Variants in SLC14A2 observed in about 807,000 individuals in gnomAD.
SLC14A2 encodes the protein solute carrier family 14 member 2.
Under a neutral mutation model 104.6 loss-of-function variants are expected in SLC14A2, and 91 were observed. The ratio of observed to expected loss-of-function variants is 0.87; its 90% CI spans 0.73 to 1.04. The LOEUF (loss-of-function observed/expected upper bound fraction) is 1.04. Ranked by LOEUF, SLC14A2 falls within the 50% of genes least tolerant of loss-of-function variation. The pLI is 0.00. For missense variants in SLC14A2, 1,189 were observed against 1,156.0 expected, an observed-to-expected ratio of 1.03 and a Z score of -0.41; for synonymous variants, 476 against 466.4, an observed-to-expected ratio of 1.02 and a Z score of -0.27.
chr18:45,677,376 G>C (rs193247363), intron 18 of SLC14A2, among the ~76,000 whole-genome samples: 54 of 152,214 alleles, frequency 3.5e-4, no homozygotes, highest in African/African-American at 1.2e-3. Context: ...CCCTCTATTC[G>C]GGGGCCTTGG....
rs1011839626 is a variant in SLC14A2 at position 45,498,600 on chromosome 18, T to A, written c.-35+15278T>A. ...TCCCTCCCATCTCCACTCCTGTTCC[T>A]GGAGACTGTCAGATCTGCTCTGAAG... On this transcript the variant is annotated intron_variant, in intron 2 of 20. Coordinates refer to the SLC14A2 transcript ENST00000586448. Among the ~76,000 whole-genome samples, 5 of 152,350 alleles carry A rather than the reference T, an allele frequency of 3.3e-5. No homozygotes were observed. The East Asian group carries it at 7.7e-4, about 24-fold the overall frequency.
At chr18:45,337,821 G>A (rs1599552) in intron 1 of SLC14A2, among the ~76,000 whole-genome samples, 10,918 of 152,202 alleles carry the variant, frequency 0.072, 788 homozygotes, top group African/African-American at 0.18. Flanking sequence ...TTTCTTTGGT[G>A]TATTTTGAAA....
chr18:45,457,166 T>A (rs1251219440), intron 1 of SLC14A2, among the ~76,000 whole-genome samples: 2 of 152,192 alleles, frequency 1.3e-5, no homozygotes, highest in African/African-American at 4.8e-5. Context: ...GAAGGTTTTT[T>A]TAATATTTAA....
At chr18:45,375,344 T>A (rs2144363974) in intron 1 of SLC14A2, among the ~76,000 whole-genome samples, 1 of 152,294 alleles carries the variant, frequency 6.6e-6, no homozygotes, top group African/African-American at 2.4e-5. Flanking sequence ...TTGAGATACT[T>A]TGCAGACCCT....
intron 18 of SLC14A2, 21 bp from the exon 19 acceptor site, chr18:45,678,952 TTC>T: frequency 1.3e-6 from 2 of 1,545,064 alleles, no homozygotes; most frequent in Non-Finnish European, 1.7e-6. Flanking sequence ...GTCTATTTCT[TTC>T]TTTTTTTTTT....
At chr18:45,236,363 GTA>G (rs372488022) in intron 1 of SLC14A2, among the ~76,000 whole-genome samples, 5 of 20,174 alleles carry the variant, frequency 2.5e-4, no homozygotes, top group South Asian at 1.8e-3. Context: ...ATGTATGTGT[GTA>G]TATATGTGTA....
intron 1 of SLC14A2, among the ~76,000 whole-genome samples, chr18:45,341,593 T>TA (rs2085395709): frequency 1.3e-5 from 2 of 148,204 alleles, no homozygotes; most frequent in South Asian, 2.1e-4. Context: ...TGTCTAGTAT[T>TA]ACTTTTTTTT....
At chr18:45,645,360 A>G (rs2045601548) in intron 10 of SLC14A2, among the ~76,000 whole-genome samples, 1 of 152,032 alleles carries the variant, frequency 6.6e-6, no homozygotes, top group Non-Finnish European at 1.5e-5. Context: ...ATACCTAGTA[A>G]TGGGATTGCT....
chr18:45,675,766 C>T (rs1291717538), intron 18 of SLC14A2, among the ~76,000 whole-genome samples: 2 of 131,144 alleles, frequency 1.5e-5, no homozygotes, highest in African/African-American at 6.1e-5. Flanking sequence ...CCAGGCTGGT[C>T]GTGGGCTCAA....
intron 1 of SLC14A2, among the ~76,000 whole-genome samples, chr18:45,400,156 C>G (rs901347505): frequency 6.6e-6 from 1 of 152,212 alleles, no homozygotes; most frequent in Non-Finnish European, 1.5e-5. Flanking sequence ...AGACCCCAAT[C>G]AAGTTACACT....
intron 8 of SLC14A2, 48 bp downstream of exon 8, chr18:45,641,391 C>T (rs1266602327): frequency 6.2e-7 from 1 of 1,606,144 alleles, no homozygotes; most frequent in Non-Finnish European, 8.5e-7. Flanking sequence ...GCTATTCCTT[C>T]CCCCCTTGTT....
chr18:45,519,953 A>G (rs2043494082), intron 2 of SLC14A2, among the ~76,000 whole-genome samples: 1 of 152,196 alleles, frequency 6.6e-6, no homozygotes, highest in African/African-American at 2.4e-5. Context: ...TCTGGGTGTT[A>G]GCAGGCCCTT....
rs531435905 is a variant in SLC14A2, at chr18:45,234,634, C to T, written c.-125+21443C>T. Among the ~76,000 whole-genome samples the T allele has an allele frequency of 2.0e-5, 3 of 152,284 alleles. 1 individual carries two copies. The highest frequency in any genetic ancestry group is 4.8e-5 in the African/African-American group (2 of 41,564). On this transcript the variant is annotated intron_variant, in intron 1 of 20. Transcript: ENST00000586448. The stretch of plus-strand genomic sequence containing the variant: ...CCTTCTGTTTTCACTTCAGTCATTT[C>T]ATTCTTTTGGCTTCCCTTCTGTGTT...
At chr18:45,388,702 T>C (rs2085928562) in intron 1 of SLC14A2, among the ~76,000 whole-genome samples, 1 of 152,118 alleles carries the variant, frequency 6.6e-6, no homozygotes, top group Admixed American at 6.5e-5. Context: ...TCATCCCAGA[T>C]ACCAACTAGA....
intron 1 of SLC14A2, among the ~76,000 whole-genome samples, chr18:45,336,056 T>A (rs1195203131): frequency 6.6e-6 from 1 of 151,948 alleles, no homozygotes; most frequent in East Asian, 1.9e-4. Context: ...ATAAAATAGG[T>A]TTTTTAACGT....
intron 1 of SLC14A2, among the ~76,000 whole-genome samples, chr18:45,297,330 A>C (rs1256831117): frequency 6.6e-6 from 1 of 152,234 alleles, no homozygotes; most frequent in South Asian, 2.1e-4. Context: ...GCTTAGTTTA[A>C]CAATAGAGAT....
chr18:45,318,432 T>C (rs1156654810), intron 1 of SLC14A2, among the ~76,000 whole-genome samples: 2 of 152,190 alleles, frequency 1.3e-5, no homozygotes, highest in African/African-American at 2.4e-5. Flanking sequence ...ACAACTGTTG[T>C]ACAGCCCAAG....
intron 2 of SLC14A2, among the ~76,000 whole-genome samples, chr18:45,513,590 C>T (rs193052740): frequency 3.9e-5 from 6 of 152,252 alleles, no homozygotes; most frequent in Admixed American, 2.6e-4. Flanking sequence ...TCGAATGTAG[C>T]CCCAAATGTA....
chr18:45,583,102 G>A (rs569426360), intron 2 of SLC14A2, among the ~76,000 whole-genome samples: 36 of 152,356 alleles, frequency 2.4e-4, no homozygotes, highest in African/African-American at 8.7e-4. Context: ...GCAGGAAGGA[G>A]TAGAGCAAAT....
Sources: allele counts gnomAD v4.1 joint callset (sites outside exome capture counted in the v4.1 genomes callset), GRCh38; gene constraint gnomAD v4.1.1; transcripts MANE v1.5; gene names NCBI Gene and HGNC (gene_info 2026-07-23, HGNC 2026-07-21).